The following LEPR variants were observed in gnomAD, a reference collection of about 807,000 sequenced individuals.
LEPR encodes the protein OB receptor.
A neutral mutation model predicts 114.7 loss-of-function variants in LEPR; 56 were observed. That is an observed-to-expected ratio of 0.49 (90% confidence interval 0.39 to 0.61). The LOEUF (loss-of-function observed/expected upper bound fraction) is 0.61, where lower values mean the gene tolerates loss of function less well. Ranked by LOEUF, LEPR falls within the 20% of genes least tolerant of loss-of-function variation. The pLI, the probability that LEPR is intolerant of heterozygous loss-of-function variation, is 0.00. For synonymous variants in LEPR, 443 were observed against 461.4 expected, an observed-to-expected ratio of 0.96 and a Z score of 0.51; for missense variants, 1,202 against 1,352.9, an observed-to-expected ratio of 0.89 and a Z score of 1.75.
chr1:65,494,968 A>G (rs1034977043), intron 2 of LEPR, among the ~76,000 whole-genome samples: 1 of 152,126 alleles, frequency 6.6e-6, no homozygotes, highest in African/African-American at 2.4e-5. Flanking sequence ...AGAAGAAAAC[A>G]TAAGGGAAAT....
intron 1 of LEPR, among the ~76,000 whole-genome samples, chr1:65,424,418 AG>A (rs1489390917): frequency 1.3e-5 from 2 of 152,164 alleles, no homozygotes; most frequent in African/African-American, 4.8e-5. Flanking sequence ...TTGCCTTGGG[AG>A]GTAGTGAGTT....
Position 65,640,724 on chromosome 1 carries a change from T to TA in LEPR, c.*3710dup, listed in dbSNP as rs1048983473. 29 of 151,890 alleles carry TA rather than the reference T, an allele frequency of 1.9e-4. No individual in the cohort carries two copies. Among genetic ancestry groups the TA allele is most frequent in the African/African-American group, 6.5e-4 (27 of 41,380 alleles). The allele number at this position is 151,890 out of a possible 1,614,324, so 9.4% of individuals were successfully genotyped here. A position where few individuals can be genotyped will look rare whatever the true frequency, so the allele number is the denominator to read the frequency against. Reference sequence around the variant, plus strand: ...TGTATGAGAACTGGGATATTGTTGTTACATGTATTTGTATAAACATTAGGA... The same window carrying TA: ...TGTATGAGAACTGGGATATTGTTGTTAACATGTATTTGTATAAACATTAGGA... On this transcript the variant is annotated 3_prime_UTR_variant, in exon 20 of 20. Transcript: ENST00000349533.
chr1:65,638,535 G>A lies in LEPR; in HGVS notation c.*1520G>A, dbSNP rs1258076929. ...ATTATCAGAATTTCATATTTAGACCGAGACAAGAGACTCCCAATTTTACTG... is the reference window on the plus strand; with the variant it reads ...ATTATCAGAATTTCATATTTAGACCAAGACAAGAGACTCCCAATTTTACTG... On this transcript the variant is annotated 3_prime_UTR_variant, in exon 20 of 20. Transcript: ENST00000349533. The A allele has an allele frequency of 2.0e-5, 3 of 152,052 alleles. No individual in the cohort carries two copies. Among genetic ancestry groups the A allele is most frequent in the Non-Finnish European group, 4.4e-5 (3 of 68,010 alleles). The allele number at this position is 152,052 out of a possible 1,614,324, so 9.4% of individuals were successfully genotyped here. A position where few individuals can be genotyped will look rare whatever the true frequency, so the allele number is the denominator to read the frequency against.
At chr1:65,526,026 T>A (rs2100596346) in intron 2 of LEPR, 1 of 864,442 alleles carries the variant, frequency 1.2e-6, no homozygotes, top group East Asian at 1.2e-4. Context: ...GCCGGGCGAC[T>A]CTCGGCTCCC....
chr1:65,484,548 T>G (rs1198004425), intron 2 of LEPR, among the ~76,000 whole-genome samples: 2 of 152,190 alleles, frequency 1.3e-5, no homozygotes, highest in East Asian at 3.9e-4. Flanking sequence ...CAGTTGTTCT[T>G]TTAACACTGA....
chr1:65,596,084 A>G (rs1372126245), intron 6 of LEPR, among the ~76,000 whole-genome samples: 1 of 152,102 alleles, frequency 6.6e-6, no homozygotes. Flanking sequence ...AACCACTAAA[A>G]TAATTGAAGT....
chr1:65,503,168 C>T (rs1648545487), intron 2 of LEPR, among the ~76,000 whole-genome samples: 1 of 152,008 alleles, frequency 6.6e-6, no homozygotes, highest in South Asian at 2.1e-4. Context: ...GAAGGTTGAA[C>T]AGGTGAAGCA....
chr1:65,570,910 T>G lies in LEPR; in HGVS notation c.370+108T>G, dbSNP rs191294088. 5.9e-5 allele frequency: 54 copies of G among 919,030 alleles called. No homozygotes were observed. In the East Asian group the frequency reaches 1.3e-3, roughly 23 times the overall value. The allele number at this position is 919,030 out of a possible 1,614,324, so 56.9% of individuals were successfully genotyped here. On this transcript the variant is annotated intron_variant, in intron 4 of 19. Coordinates refer to ENST00000349533, the MANE Select transcript of LEPR (RefSeq NM_002303.6). ...ATGATTTTAACATACATAATCATTT[T>G]TATATGGATAATAAAATTAGGATTC... is the stretch of plus-strand genomic sequence containing the variant.
At chr1:65,504,918 AT>A (rs775778296) in intron 2 of LEPR, among the ~76,000 whole-genome samples, 11 of 152,144 alleles carry the variant, frequency 7.2e-5, no homozygotes, top group Non-Finnish European at 1.0e-4. Context: ...TAAAAAGTTT[AT>A]TTTAAAAAAT....
At chr1:65,573,583 T>A (rs1252722570) in intron 5 of LEPR, among the ~76,000 whole-genome samples, 2 of 152,220 alleles carry the variant, frequency 1.3e-5, no homozygotes, top group South Asian at 2.1e-4. Flanking sequence ...ACACCATTTT[T>A]ATGTCAATTT....
chr1:65,579,454 C>G (rs1654831282), intron 5 of LEPR, among the ~76,000 whole-genome samples: 1 of 152,108 alleles, frequency 6.6e-6, no homozygotes, highest in Non-Finnish European at 1.5e-5. Context: ...CAGGGTTGGT[C>G]TTAAAGAAGG....
chr1:65,467,333 C>T (rs1570506648), intron 2 of LEPR, among the ~76,000 whole-genome samples: 4 of 152,146 alleles, frequency 2.6e-5, no homozygotes, highest in African/African-American at 9.7e-5. Flanking sequence ...CCACTCCAGA[C>T]CCTGTTTGCC....
intron 5 of LEPR, chr1:65,576,961 C>A: frequency 3.0e-6 from 1 of 337,144 alleles, no homozygotes; most frequent in South Asian, 3.2e-5. Context: ...GCAAACAATC[C>A]TCCAGCCATT....
intron 2 of LEPR, among the ~76,000 whole-genome samples, chr1:65,563,281 C>G: frequency 1.1e-5 from 1 of 92,696 alleles, no homozygotes; most frequent in Non-Finnish European, 2.3e-5. Context: ...CTAAACTTCC[C>G]TTCTCGCTTC....
chr1:65,522,752 A>G (rs1570604786), intron 2 of LEPR, among the ~76,000 whole-genome samples: 1 of 152,268 alleles, frequency 6.6e-6, no homozygotes, highest in East Asian at 1.9e-4. Flanking sequence ...GTATCTGTGT[A>G]AGTGGGCATA....
At chr1:65,432,979 A>G in intron 2 of LEPR, 3 of 985,456 alleles carry the variant, frequency 3.0e-6, no homozygotes, top group Non-Finnish European at 3.6e-6. Context: ...CCCCAAAAAA[A>G]CATCTCAGTG....
At chr1:65,610,164 G>C in intron 13 of LEPR, 50 bp from the exon 14 acceptor site, 1 of 1,614,034 alleles carries the variant, frequency 6.2e-7, no homozygotes, top group Non-Finnish European at 8.5e-7. Context: ...CTTCAAATAT[G>C]GCTGAAAAGT....
intron 2 of LEPR, among the ~76,000 whole-genome samples, chr1:65,534,887 T>A (rs1456397640): frequency 6.6e-6 from 1 of 152,224 alleles, no homozygotes; most frequent in Non-Finnish European, 1.5e-5. Context: ...TGTTACCAAC[T>A]ATCTGTTTTG....
rs139771757 is a variant in LEPR at position 65,448,598 on chromosome 1, A to C, written c.-21+23220A>C. On this transcript the variant is annotated intron_variant, in intron 2 of 19. Transcript: ENST00000349533. ...AAAAGAGATTGTAGAGAGTTGGTAT[A>C]ATTTCTTCCTTAAATGTTTGGTAGA... Among the ~76,000 whole-genome samples, 766 of 152,266 alleles carry C rather than the reference A, an allele frequency of 5.0e-3. 8 individuals are homozygous for C. Among genetic ancestry groups the C allele is most frequent in the African/African-American group, 0.018 (738 of 41,554 alleles).
Sources: allele counts gnomAD v4.1 joint callset (sites outside exome capture counted in the v4.1 genomes callset), GRCh38; gene constraint gnomAD v4.1.1; transcripts MANE v1.5; gene names NCBI Gene and HGNC (gene_info 2026-07-23, HGNC 2026-07-21).